The following MSH4 variants were observed in gnomAD, a reference collection of about 807,000 sequenced individuals.
The protein encoded by MSH4 is mutS protein homolog 4.
Under a neutral mutation model 113.7 loss-of-function variants are expected in MSH4, and 106 were observed. The observed-to-expected ratio is 0.93, with a 90% CI of 0.80 to 1.10. The LOEUF is 1.10. MSH4 is among the 50% of genes least tolerant of loss of function. The pLI, the probability that MSH4 is intolerant of heterozygous loss-of-function variation, is 0.00. For missense variants in MSH4, 1,061 were observed against 1,093.7 expected, an observed-to-expected ratio of 0.97 and a Z score of 0.42; for synonymous variants, 368 against 380.2, an observed-to-expected ratio of 0.97 and a Z score of 0.37.
chr1:75,797,317 C>T (rs1246138666), intron 1 of MSH4, 88 bp downstream of exon 1: 3 of 1,476,434 alleles, frequency 2.0e-6, no homozygotes, highest in African/African-American at 2.8e-5. Context: ...GTGGTTACCA[C>T]AGTGAAGTTG....
chr1:75,878,828 GA>G lies in MSH4; in HGVS notation c.1541-150del, dbSNP rs71793168. ...TGGGCGACAGAGTGAGATCTGTCTT[GA>G]AAAAAAAAAAAAATTATTAGAGTTT... is the stretch of plus-strand genomic sequence containing the variant. On this transcript the variant is annotated intron_variant, in intron 11 of 19. Coordinates refer to ENST00000263187, the MANE Select transcript of MSH4 (RefSeq NM_002440.4). Among the ~76,000 whole-genome samples the G allele has an allele frequency of 2.1e-3, 291 of 140,216 alleles. 1 individual carries two copies. The highest frequency in any genetic ancestry group is 4.2e-3 in the African/African-American group (156 of 37,114). The allele number at this position is 140,216 out of a possible 152,430, so 92.0% of individuals were successfully genotyped here. A position where few individuals can be genotyped will look rare whatever the true frequency, so the allele number is the denominator to read the frequency against.
chr1:75,806,494 A>G (rs897820925), intron 2 of MSH4, among the ~76,000 whole-genome samples: 3 of 151,626 alleles, frequency 2.0e-5, no homozygotes, highest in African/African-American at 4.8e-5. Flanking sequence ...TGATCCGCCC[A>G]CCTCGGCCTC....
At chr1:75,836,383 C>T (rs1650829774) in intron 7 of MSH4, among the ~76,000 whole-genome samples, 1 of 151,070 alleles carries the variant, frequency 6.6e-6, no homozygotes, top group Non-Finnish European at 1.5e-5. Flanking sequence ...ACTGCAACCT[C>T]TACCTCCTGG....
At chr1:75,831,294 G>C (rs944224691) in intron 7 of MSH4, among the ~76,000 whole-genome samples, 1 of 152,040 alleles carries the variant, frequency 6.6e-6, no homozygotes, top group African/African-American at 2.4e-5. Context: ...TAAAGCAAGT[G>C]CTTAGAGACC....
At chr1:75,875,521 A>G (rs1179147655) in intron 9 of MSH4, among the ~76,000 whole-genome samples, 1 of 152,206 alleles carries the variant, frequency 6.6e-6, no homozygotes, top group Non-Finnish European at 1.5e-5. Context: ...AATGAAGCAG[A>G]TGACTCTAGA....
intron 7 of MSH4, among the ~76,000 whole-genome samples, chr1:75,832,525 A>G (rs955304463): frequency 2.6e-5 from 4 of 152,190 alleles, no homozygotes; most frequent in Non-Finnish European, 4.4e-5. Flanking sequence ...ACATCGATGC[A>G]AAAATCCTCA....
chr1:75,810,882 A>T, intron 4 of MSH4, 75 bp downstream of exon 4: 1 of 732,770 alleles, frequency 1.4e-6, no homozygotes, highest in Non-Finnish European at 2.1e-6. Flanking sequence ...TTATTTATTT[A>T]TTTTTTTGAG....
chr1:75,796,903 C>T lies in MSH4; in HGVS notation c.-83C>T. The T allele has an allele frequency of 6.3e-7, 1 of 1,578,788 alleles. No homozygotes were observed. Among genetic ancestry groups the T allele is most frequent in the East Asian group, 2.2e-5 (1 of 44,538 alleles). ...CGGCGCGCAGTTCTCCCGCCCGTTT[C>T]AGCGGCGCAGCTTCTGTAGTTGGGC... On this transcript the variant is annotated 5_prime_UTR_variant, in exon 1 of 20. Transcript: ENST00000263187.
intron 17 of MSH4, among the ~76,000 whole-genome samples, chr1:75,897,532 A>T (rs904111517): frequency 2.6e-5 from 4 of 151,764 alleles, no homozygotes; most frequent in African/African-American, 9.7e-5. Context: ...GGAAAATATT[A>T]TTTTTTTTGC....
chr1:75,811,584 A>G (rs1222153362), intron 4 of MSH4, among the ~76,000 whole-genome samples: 1 of 152,172 alleles, frequency 6.6e-6, no homozygotes, highest in Non-Finnish European at 1.5e-5. Context: ...TTCCCCTGAT[A>G]ACATGTACTG....
chr1:75,911,895 A>G (rs1652796259), intron 19 of MSH4, among the ~76,000 whole-genome samples: 1 of 152,074 alleles, frequency 6.6e-6, no homozygotes, highest in Admixed American at 6.6e-5. Context: ...CTTTCCATAA[A>G]AAGTTAAGAT....
intron 17 of MSH4, among the ~76,000 whole-genome samples, chr1:75,893,476 C>G (rs1393903637): frequency 6.6e-6 from 1 of 152,118 alleles, no homozygotes; most frequent in African/African-American, 2.4e-5. Flanking sequence ...CATTTAGGCC[C>G]TAAATTCTGA....
At position 75,883,877 on chromosome 1, in the gene MSH4, G is replaced by T. The variant is rs533338775; in HGVS notation, c.2107+56G>T. On this transcript the variant is annotated intron_variant, in intron 15 of 19. Coordinates refer to ENST00000263187, the MANE Select transcript of MSH4 (RefSeq NM_002440.4). ...TTTTACACTCTTTTCAGAATGCTTT[G>T]TGCCTAATTTTTTTAGGGCCATGTG... The T allele has an allele frequency of 3.0e-5, 44 of 1,488,388 alleles. 1 individual carries two copies. The East Asian group carries it at 1.0e-3, about 34-fold the overall frequency. The allele number at this position is 1,488,388 out of a possible 1,614,324, so 92.2% of individuals were successfully genotyped here.
chr1:75,816,982 A>G (rs1401046426), intron 6 of MSH4, among the ~76,000 whole-genome samples: 1 of 152,050 alleles, frequency 6.6e-6, no homozygotes, highest in Non-Finnish European at 1.5e-5. Context: ...GGTTCTTGCT[A>G]TTTTGTCCAG....
At chr1:75,850,902 A>G (rs952189687) in intron 8 of MSH4, among the ~76,000 whole-genome samples, 4 of 152,100 alleles carry the variant, frequency 2.6e-5, no homozygotes, top group African/African-American at 9.7e-5. Flanking sequence ...TATATCCTCT[A>G]TAAATTGAGC....
chr1:75,813,719 G>T (rs1650236088), intron 4 of MSH4, among the ~76,000 whole-genome samples: 1 of 147,780 alleles, frequency 6.8e-6, no homozygotes, highest in Non-Finnish European at 1.5e-5. Flanking sequence ...ACCATAAGAA[G>T]ACCTTCATTA....
chr1:75,852,236 T>C (rs1651204955), intron 8 of MSH4, among the ~76,000 whole-genome samples: 1 of 152,224 alleles, frequency 6.6e-6, no homozygotes, highest in Non-Finnish European at 1.5e-5. Context: ...TATTGACAAA[T>C]AATATTCCAT....
chr1:75,812,421 C>T (rs1414988169), intron 4 of MSH4, among the ~76,000 whole-genome samples: 1 of 151,860 alleles, frequency 6.6e-6, no homozygotes, highest in Non-Finnish European at 1.5e-5. Context: ...AGACCAGGTG[C>T]GGTGGCTCAT....
chr1:75,865,141 TC>T (rs1488747140), intron 8 of MSH4, among the ~76,000 whole-genome samples: 2 of 152,116 alleles, frequency 1.3e-5, no homozygotes, highest in African/African-American at 4.8e-5. Flanking sequence ...CTGTCTTACT[TC>T]CCCACTCCCT....
Sources: gnomAD v4.1 joint callset for allele counts (sites outside exome capture counted in the v4.1 genomes callset) on GRCh38, gnomAD v4.1.1 for gene constraint, MANE v1.5 for transcripts, NCBI Gene and HGNC (gene_info 2026-07-23, HGNC 2026-07-21) for gene names.